The following EYS variants were observed in gnomAD, a reference collection of about 807,000 sequenced individuals.
The protein encoded by EYS is protein eyes shut homolog.
Under a neutral mutation model 282.1 loss-of-function variants are expected in EYS, and 250 were observed. The observed-to-expected ratio is 0.89, with a 90% CI of 0.80 to 0.98. The LOEUF is 0.98. Ranked by LOEUF, EYS falls within the 50% of genes least tolerant of loss-of-function variation. The probability of loss-of-function intolerance (pLI) is 0.00; values close to 1 mark genes in which losing one functional copy is unlikely to be tolerated. For synonymous variants in EYS, 1,355 were observed against 1,282.9 expected (o/e 1.06, Z -1.20); for missense variants, 4,016 against 3,709.0 (o/e 1.08, Z -2.15).
At chr6:65,113,612 T>C (rs2882435) in intron 12 of EYS, among the ~76,000 whole-genome samples, 39,814 of 151,924 alleles carry the variant, frequency 0.26, 6,408 homozygotes, top group African/African-American at 0.45. Flanking sequence ...CTTGGAATGA[T>C]TGCTTAACTT....
At chr6:65,685,600 G>A (rs553931879) in intron 1 of EYS, among the ~76,000 whole-genome samples, 29 of 152,080 alleles carry the variant, frequency 1.9e-4, no homozygotes, top group Middle Eastern at 3.4e-3. Context: ...TTCATTCCCT[G>A]TTCAATATAC....
chr6:65,434,387 C>G (rs1324272439), intron 5 of EYS, among the ~76,000 whole-genome samples: 3 of 149,940 alleles, frequency 2.0e-5, no homozygotes. Flanking sequence ...GTGGTGCAAT[C>G]TCGGCTCACT....
In EYS at chr6:63,778,101, A is replaced by G. The variant is rs1342639553; in HGVS notation, c.7803T>C (p.Asn2601=). 2.6e-6 allele frequency: 4 copies of G among 1,551,670 alleles called. No homozygotes were observed. The highest frequency in any genetic ancestry group is 3.5e-6 in the Non-Finnish European group (4 of 1,146,964). The change falls in exon 40 of 43, where the codon AAT becomes AAC. Residue 2601 remains asparagine, a synonymous_variant. Transcript: ENST00000503581. ...GACACTGGCCAACACTGCGTCCAGC[A>G]TTTGGGTGGCCCTCAGGATTTCCCA... The part of the protein sequence containing the change: ...RGLGNPEGHP[N]AGRSVGQCHA...
chr6:64,401,944 A>C (rs1468890824), intron 28 of EYS, among the ~76,000 whole-genome samples: 1 of 152,132 alleles, frequency 6.6e-6, no homozygotes, highest in African/African-American at 2.4e-5. Flanking sequence ...TTTCCTGTTT[A>C]GGCTTTTCTT....
intron 12 of EYS, among the ~76,000 whole-genome samples, chr6:65,280,838 T>C (rs972399063): frequency 6.9e-6 from 1 of 144,850 alleles, no homozygotes; most frequent in African/African-American, 2.5e-5. Context: ...ACCAGCAAAG[T>C]GAAACCCCGT....
intron 5 of EYS, among the ~76,000 whole-genome samples, chr6:65,406,909 T>A (rs1406402095): frequency 6.6e-6 from 1 of 152,126 alleles, no homozygotes; most frequent in Non-Finnish European, 1.5e-5. Flanking sequence ...AACCTTTCCA[T>A]CTTTTTTTCC....
chr6:64,292,558 G>T (rs565116602), intron 30 of EYS, among the ~76,000 whole-genome samples: 2 of 152,070 alleles, frequency 1.3e-5, no homozygotes, highest in Non-Finnish European at 2.9e-5. Flanking sequence ...TTTAAGATTT[G>T]AGGTAAGAGT....
intron 12 of EYS, among the ~76,000 whole-genome samples, chr6:65,162,911 TTGTG>T (rs3036015): frequency 3.4e-5 from 5 of 147,384 alleles, no homozygotes; most frequent in South Asian, 4.3e-4. Flanking sequence ...CCTGTTCTGT[TTGTG>T]TGTGTGTGTG....
At chr6:64,083,983 C>T (rs1772065175) in intron 31 of EYS, among the ~76,000 whole-genome samples, 1 of 152,222 alleles carries the variant, frequency 6.6e-6, no homozygotes, top group Non-Finnish European at 1.5e-5. Context: ...GGTGATCCAC[C>T]TGCCTCAGTC....
intron 19 of EYS, among the ~76,000 whole-genome samples, chr6:64,846,182 A>G (rs1367757088): frequency 6.6e-6 from 1 of 152,188 alleles, no homozygotes; most frequent in African/African-American, 2.4e-5. Flanking sequence ...TTGTCCTACC[A>G]ATAATGGGCT....
At chr6:63,817,230 A>C (rs1250444576) in intron 36 of EYS, among the ~76,000 whole-genome samples, 2 of 152,204 alleles carry the variant, frequency 1.3e-5, no homozygotes, top group Non-Finnish European at 2.9e-5. Context: ...TCAAAAGGAA[A>C]GACTTGATAC....
chr6:64,330,050 G>T (rs1036861446), intron 29 of EYS, among the ~76,000 whole-genome samples: 1 of 152,116 alleles, frequency 6.6e-6, no homozygotes, highest in South Asian at 2.1e-4. Flanking sequence ...AGACCTGAAG[G>T]CTTTCATGCC....
In EYS at chr6:64,797,703, T is replaced by A. The variant is rs1267334580; in HGVS notation, c.3443+15675A>T. Among the ~76,000 whole-genome samples the A allele has an allele frequency of 2.6e-5, 4 of 152,076 alleles. No individual in the cohort carries two copies. The East Asian group carries it at 7.7e-4, about 29-fold the overall frequency. ...AGGGTACATGTGCACAATGTAAAAA[T>A]ATGTTTTTATTTCCCGTAAATACTT... is the stretch of plus-strand genomic sequence containing the variant. On this transcript the variant is annotated intron_variant, in intron 22 of 42. Coordinates refer to ENST00000503581, the MANE Select transcript of EYS (RefSeq NM_001142800.2).
At chr6:64,422,975 T>A (rs1427208979) in intron 28 of EYS, among the ~76,000 whole-genome samples, 1 of 152,146 alleles carries the variant, frequency 6.6e-6, no homozygotes, top group Non-Finnish European at 1.5e-5. Context: ...ACTTTCTTTT[T>A]TATTTTTTGG....
At chr6:64,461,071 C>G (rs1775728275) in intron 26 of EYS, among the ~76,000 whole-genome samples, 1 of 152,172 alleles carries the variant, frequency 6.6e-6, no homozygotes, top group Non-Finnish European at 1.5e-5. Flanking sequence ...ATGACTCCTG[C>G]TGATGGGAGT....
chr6:64,779,551 T>C (rs1773793560), intron 22 of EYS, among the ~76,000 whole-genome samples: 1 of 152,158 alleles, frequency 6.6e-6, no homozygotes. Context: ...TGTATAATTC[T>C]GTAATGGTGG....
intron 13 of EYS, among the ~76,000 whole-genome samples, chr6:65,020,683 G>A (rs1447212651): frequency 1.3e-5 from 2 of 152,150 alleles, no homozygotes; most frequent in Non-Finnish European, 2.9e-5. Flanking sequence ...TTCTGTGTGG[G>A]GGCTCCAACC....
intron 15 of EYS, among the ~76,000 whole-genome samples, chr6:64,915,659 G>A (rs577355665): frequency 1.3e-5 from 2 of 152,178 alleles, no homozygotes; most frequent in South Asian, 4.2e-4. Context: ...GTGTATCTCA[G>A]CAATGAATAT....
At chr6:65,364,344 A>C (rs2150336486) in intron 8 of EYS, among the ~76,000 whole-genome samples, 1 of 151,206 alleles carries the variant, frequency 6.6e-6, no homozygotes, top group South Asian at 2.1e-4. Flanking sequence ...GAATTGTATT[A>C]GTCATTACAT....
Sources: gnomAD v4.1 joint callset for allele counts (sites outside exome capture counted in the v4.1 genomes callset) on GRCh38, gnomAD v4.1.1 for gene constraint, MANE v1.5 for transcripts, NCBI Gene and HGNC (gene_info 2026-07-23, HGNC 2026-07-21) for gene names.